The following MED13L variants were observed in gnomAD, a reference collection of about 807,000 sequenced individuals.
MED13L encodes mediator complex subunit 13L, also known as mediator of RNA polymerase II transcription subunit 13-like.
MED13L carries 7 observed loss-of-function variants against 220.9 expected under a neutral mutation model. The observed-to-expected ratio is 0.03, with a 90% CI of 0.02 to 0.06. MED13L has a LOEUF of 0.06. Among genes scored for constraint, MED13L ranks in the 10% least tolerant of loss-of-function variants. The pLI, the probability that MED13L is intolerant of heterozygous loss-of-function variation, is 1.00. For missense variants in MED13L, 1,965 were observed against 2,760.5 expected (o/e 0.71, Z 6.46); for synonymous variants, 1,011 against 1,015.2 (o/e 1.00, Z 0.08).
intron 4 of MED13L, among the ~76,000 whole-genome samples, chr12:116,062,179 A>G (rs1419660335): frequency 6.6e-6 from 1 of 150,804 alleles, no homozygotes; most frequent in African/African-American, 2.4e-5. Flanking sequence ...TTGAGATGGG[A>G]TTTTGCTCTG....
At chr12:116,244,248 G>T (rs1006940002) in intron 1 of MED13L, among the ~76,000 whole-genome samples, 2 of 152,172 alleles carry the variant, frequency 1.3e-5, no homozygotes, top group African/African-American at 4.8e-5. Context: ...TCAACTCAGA[G>T]GAAGGAAAAA....
At chr12:116,017,199 A>G (rs1163306757) in intron 7 of MED13L, among the ~76,000 whole-genome samples, 1 of 152,224 alleles carries the variant, frequency 6.6e-6, no homozygotes, top group Non-Finnish European at 1.5e-5. Context: ...AGGGGAAGGA[A>G]TTTGAAGATC....
At chr12:116,008,182 G>A in intron 10 of MED13L, 1 of 579,776 alleles carries the variant, frequency 1.7e-6, no homozygotes, top group Non-Finnish European at 2.9e-6. Flanking sequence ...TACTTAAATG[G>A]CATAAAGAGT....
At chr12:116,141,456 T>C (rs958872976) in intron 2 of MED13L, among the ~76,000 whole-genome samples, 2 of 152,178 alleles carry the variant, frequency 1.3e-5, no homozygotes, top group Non-Finnish European at 2.9e-5. Flanking sequence ...CAAATACAAT[T>C]ATTCCTTTGT....
chr12:116,277,177 G>A lies in MED13L; in HGVS notation c.-46C>T, dbSNP rs1873938868. The A allele has an allele frequency of 4.9e-6, 7 of 1,415,142 alleles. No homozygotes were observed. Among genetic ancestry groups the A allele is most frequent in the Non-Finnish European group, 6.6e-6 (7 of 1,063,248 alleles). The allele number at this position is 1,415,142 out of a possible 1,614,324, so 87.7% of individuals were successfully genotyped here. A position where few individuals can be genotyped will look rare whatever the true frequency, so the allele number is the denominator to read the frequency against. On this transcript the variant is annotated 5_prime_UTR_variant, in exon 1 of 31. Coordinates refer to ENST00000281928, the MANE Select transcript of MED13L (RefSeq NM_015335.5). The stretch of plus-strand genomic sequence containing the variant: ...GCCAGAGCGGGGCATGTCGGAGCGA[G>A]GCGTCCGAGGCGAGGCCGGGCCGGG...
intron 4 of MED13L, among the ~76,000 whole-genome samples, chr12:116,071,098 A>G (rs953269040): frequency 6.6e-6 from 1 of 152,222 alleles, no homozygotes; most frequent in Admixed American, 6.5e-5. Context: ...ACTGAAAAAT[A>G]CCAGGATATA....
At chr12:116,160,857 C>T (rs1299029541) in intron 2 of MED13L, among the ~76,000 whole-genome samples, 1 of 151,996 alleles carries the variant, frequency 6.6e-6, no homozygotes, top group Non-Finnish European at 1.5e-5. Context: ...CGTGAGCCAC[C>T]GTGCCTGGCC....
At chr12:116,246,878 A>AGGGAGGTG (rs1199953257) in intron 1 of MED13L, among the ~76,000 whole-genome samples, 1 of 21,082 alleles carries the variant, frequency 4.7e-5, no homozygotes, top group African/African-American at 2.1e-4. Context: ...AGAGGAGGGG[A>AGGGAGGTG]GGGAGGTGGG....
chr12:115,997,283 T>G (rs1370004297), intron 14 of MED13L, 53 bp from the exon 15 acceptor site: 1 of 1,499,736 alleles, frequency 6.7e-7, no homozygotes, highest in Admixed American at 1.7e-5. Context: ...TTCTAAAAAG[T>G]CCTAGCTTAT....
At chr12:116,208,409 T>C (rs1357727736) in intron 2 of MED13L, among the ~76,000 whole-genome samples, 1 of 152,102 alleles carries the variant, frequency 6.6e-6, no homozygotes, top group African/African-American at 2.4e-5. Context: ...AACAAAAGGA[T>C]AACAACTGCA....
intron 4 of MED13L, among the ~76,000 whole-genome samples, chr12:116,035,352 C>T (rs1198047475): frequency 6.6e-6 from 1 of 151,500 alleles, no homozygotes; most frequent in African/African-American, 2.4e-5. Context: ...AATAATAAAT[C>T]CCTCAATATA....
At chr12:116,029,755 T>G (rs74349961) in intron 4 of MED13L, among the ~76,000 whole-genome samples, 6 of 151,844 alleles carry the variant, frequency 4.0e-5, no homozygotes, top group Non-Finnish European at 7.4e-5. Flanking sequence ...CAGAAAAAAT[T>G]TGAATAAGAA....
chr12:116,241,599 A>T (rs1870659332), intron 1 of MED13L, among the ~76,000 whole-genome samples: 1 of 151,926 alleles, frequency 6.6e-6, no homozygotes, highest in South Asian at 2.1e-4. Flanking sequence ...TCCTATCAGT[A>T]CATCTATGCT....
In MED13L at chr12:116,036,942, G is replaced by GT. The variant is rs1257991149; in HGVS notation, c.480-14342dup. Among the ~76,000 whole-genome samples the GT allele has an allele frequency of 3.3e-5, 5 of 152,084 alleles. No homozygotes were observed. In the East Asian group the frequency reaches 9.6e-4, roughly 29 times the overall value. ...TTAAATTATTTTGTGAGGCTCTGAG[G>GT]TACTCTTACTATTTCATATATCTTC... On this transcript the variant is annotated intron_variant, in intron 4 of 30. Coordinates refer to ENST00000281928, the MANE Select transcript of MED13L (RefSeq NM_015335.5).
intron 2 of MED13L, among the ~76,000 whole-genome samples, chr12:116,236,609 G>A (rs913546648): frequency 6.6e-6 from 1 of 151,692 alleles, no homozygotes; most frequent in African/African-American, 2.4e-5. Flanking sequence ...GATAATAAAA[G>A]ATGGTTCTAA....
chr12:116,157,860 T>C (rs1878565321), intron 2 of MED13L, among the ~76,000 whole-genome samples: 1 of 152,170 alleles, frequency 6.6e-6, no homozygotes, highest in African/African-American at 2.4e-5. Context: ...ACTGAGCCCT[T>C]AGTGCCCAAG....
At chr12:116,241,332 C>CA (rs200027979) in intron 1 of MED13L, among the ~76,000 whole-genome samples, 8,706 of 145,168 alleles carry the variant, frequency 0.06, 314 homozygotes, top group African/African-American at 0.098. Context: ...AACAAAAAAA[C>CA]AAAAAAAAAA....
intron 2 of MED13L, among the ~76,000 whole-genome samples, chr12:116,131,595 T>G (rs1565892458): frequency 1.3e-5 from 2 of 152,198 alleles, no homozygotes; most frequent in Non-Finnish European, 2.9e-5. Flanking sequence ...CTCTCTAGGT[T>G]TTAGGTTCTG....
At chr12:116,200,540 T>A (rs552294976) in intron 2 of MED13L, among the ~76,000 whole-genome samples, 1 of 152,322 alleles carries the variant, frequency 6.6e-6, no homozygotes, top group South Asian at 2.1e-4. Context: ...TATTGTTGAA[T>A]TACTTGACAG....
Sources: gnomAD v4.1 joint callset for allele counts (sites outside exome capture counted in the v4.1 genomes callset) on GRCh38, gnomAD v4.1.1 for gene constraint, MANE v1.5 for transcripts, NCBI Gene and HGNC (gene_info 2026-07-23, HGNC 2026-07-21) for gene names.